Variants in DHX30 observed in about 807,000 individuals in gnomAD.
The protein encoded by DHX30 is DExH-box helicase 30.
DHX30 carries 4 observed loss-of-function variants against 116.9 expected under a neutral mutation model. The observed-to-expected ratio is 0.03, with a 90% CI of 0.02 to 0.08. The LOEUF (loss-of-function observed/expected upper bound fraction) is 0.08. Among genes scored for constraint, DHX30 ranks in the 10% least tolerant of loss-of-function variants. The pLI, the probability that DHX30 is intolerant of heterozygous loss-of-function variation, is 1.00. For missense variants in DHX30, 871 were observed against 1,595.1 expected (o/e 0.55, Z 7.73); for synonymous variants, 697 against 651.7 (o/e 1.07, Z -1.06).
chr3:47,823,620 C>T (rs935798035), intron 4 of DHX30, among the ~76,000 whole-genome samples: 10 of 152,252 alleles, frequency 6.6e-5, no homozygotes, highest in African/African-American at 2.2e-4. Flanking sequence ...CCTCAGCCTC[C>T]CAGAGTGCTG....
intron 7 of DHX30, 143 bp downstream of exon 7, chr3:47,841,321 C>T: frequency 7.6e-7 from 1 of 1,311,696 alleles, no homozygotes; most frequent in Non-Finnish European, 1.0e-6. Context: ...CAGTGTGTGT[C>T]TGCCCATTCT....
intron 4 of DHX30, among the ~76,000 whole-genome samples, chr3:47,826,549 G>T (rs759561080): frequency 6.6e-6 from 1 of 151,556 alleles, no homozygotes; most frequent in Non-Finnish European, 1.5e-5. Context: ...GGGTTCAAGC[G>T]ATTCTCCTGC....
intron 9 of DHX30, among the ~76,000 whole-genome samples, chr3:47,844,960 C>CT (rs1317531686): frequency 6.6e-6 from 1 of 152,022 alleles, no homozygotes; most frequent in Non-Finnish European, 1.5e-5. Context: ...GGGAGGAAGG[C>CT]TTTGATGAGG....
At chr3:47,832,627 C>CTTTTTTT (rs1232599849) in intron 6 of DHX30, among the ~76,000 whole-genome samples, 12 of 142,736 alleles carry the variant, frequency 8.4e-5, no homozygotes, top group African/African-American at 2.1e-4. Flanking sequence ...ACATCTAATT[C>CTTTTTTT]TTTTTTTTTT....
At chr3:47,841,553 A>G in intron 7 of DHX30, 64 bp from the exon 8 acceptor site, 1 of 1,609,376 alleles carries the variant, frequency 6.2e-7, no homozygotes, top group Admixed American at 1.7e-5. Flanking sequence ...CCTACATCGC[A>G]GAGCCTCAGG....
chr3:47,832,267 G>A (rs923165414), intron 6 of DHX30, among the ~76,000 whole-genome samples: 2 of 151,942 alleles, frequency 1.3e-5, no homozygotes, highest in Admixed American at 6.6e-5. Flanking sequence ...CATGCATTTC[G>A]TCCTCAGCCA....
intron 1 of DHX30, among the ~76,000 whole-genome samples, chr3:47,803,799 G>T (rs1455139608): frequency 6.6e-6 from 1 of 152,192 alleles, no homozygotes; most frequent in Non-Finnish European, 1.5e-5. Context: ...TGCATGTTGG[G>T]TCCTTTGTTT....
At chr3:47,830,956 G>A (rs1367061306) in intron 6 of DHX30, 2 of 152,178 alleles carry the variant, frequency 1.3e-5, no homozygotes, top group Non-Finnish European at 1.5e-5. Context: ...TATTCCCTCA[G>A]CTTCTCTTCT....
Position 47,848,464 on chromosome 3 carries a change from C to T in DHX30, c.2494-5C>T. ...GGCTCATGGCGGGCTCTGGCTCTGT[C>T]ATAGGCGGTGGAGTTCCTGTCCAAG... On this transcript the variant is annotated splice_region_variant and splice_polypyrimidine_tract_variant and intron_variant, in intron 15 of 21. Transcript: ENST00000445061. The surrounding 1 kb of genome is among the most constrained non-coding windows in gnomAD (Gnocchi z 9.4). 6.2e-7 allele frequency: 1 copy of T among 1,613,942 alleles called. No homozygotes were observed. Among genetic ancestry groups the T allele is most frequent in the African/African-American group, 1.3e-5 (1 of 74,980 alleles).
At chr3:47,806,897 A>G (rs779442662) in intron 2 of DHX30, among the ~76,000 whole-genome samples, 10 of 151,822 alleles carry the variant, frequency 6.6e-5, no homozygotes, top group Non-Finnish European at 1.0e-4. Flanking sequence ...CTGGCCCACT[A>G]CAAAGATTTT....
intron 4 of DHX30, chr3:47,819,235 G>A: frequency 7.3e-7 from 1 of 1,367,780 alleles, no homozygotes; most frequent in Non-Finnish European, 9.8e-7. Flanking sequence ...AACTCGAAAA[G>A]GCTGAACGTT....
chr3:47,831,599 T>C (rs2036851721), intron 6 of DHX30, among the ~76,000 whole-genome samples: 3 of 152,160 alleles, frequency 2.0e-5, no homozygotes, highest in Admixed American at 1.3e-4. Context: ...TCTGATCCAC[T>C]GCAAACAGCT....
intron 9 of DHX30, among the ~76,000 whole-genome samples, chr3:47,844,142 A>C (rs1252953615): frequency 6.6e-6 from 1 of 152,188 alleles, no homozygotes; most frequent in African/African-American, 2.4e-5. Context: ...CCAAGATAGA[A>C]ATGGGCCTGC....
At chr3:47,809,999 C>T (rs2035720925) in intron 2 of DHX30, among the ~76,000 whole-genome samples, 1 of 152,098 alleles carries the variant, frequency 6.6e-6, no homozygotes, top group African/African-American at 2.4e-5. Context: ...GTTAAATATA[C>T]TAATAAGCAA....
intron 3 of DHX30, chr3:47,816,421 G>A: frequency 1.0e-6 from 1 of 980,342 alleles, no homozygotes; most frequent in Non-Finnish European, 1.2e-6. Flanking sequence ...GCAATGGCGC[G>A]ATCTCGGCTC....
rs1313678184 is a variant in DHX30 at position 47,848,695 on chromosome 3, T to C, written c.2647T>C (p.Leu883=). The change falls in exon 17 of 22, where the codon TTG becomes CTG. Residue 883 remains leucine, a synonymous_variant. Coordinates refer to ENST00000445061, the MANE Select transcript of DHX30 (RefSeq NM_138615.3). The surrounding 1 kb of genome is among the most constrained non-coding windows in gnomAD (Gnocchi z 9.4). ...GGCTCACATCTCCACCGACCCCCGG[T>C]TGGCCAAGGCCATTGTGTTGGCTGC... is the stretch of plus-strand genomic sequence containing the variant. The part of the protein sequence containing the change: ...RLAHISTDPR[L]AKAIVLAAIF... The C allele has an allele frequency of 1.3e-5, 21 of 1,614,026 alleles. No individual in the cohort carries two copies. In the East Asian group the frequency reaches 4.2e-4, roughly 33 times the overall value.
chr3:47,803,878 G>A (rs1301189139), intron 1 of DHX30, among the ~76,000 whole-genome samples: 1 of 152,216 alleles, frequency 6.6e-6, no homozygotes, highest in Non-Finnish European at 1.5e-5. Flanking sequence ...TAGTCGTTGT[G>A]TAGCAACATT....
intron 3 of DHX30, among the ~76,000 whole-genome samples, chr3:47,811,245 T>C (rs981235916): frequency 1.3e-5 from 2 of 152,160 alleles, no homozygotes; most frequent in Non-Finnish European, 2.9e-5. Context: ...TGAGCCACCG[T>C]GGCTGGCCTC....
chr3:47,845,967 GTT>G, intron 10 of DHX30, 115 bp downstream of exon 10: 1 of 1,488,720 alleles, frequency 6.7e-7, no homozygotes, highest in Non-Finnish European at 9.0e-7. Context: ...TCTTCACTGA[GTT>G]TGGGGCCTGG....
Sources: gnomAD v4.1 joint callset for allele counts (sites outside exome capture counted in the v4.1 genomes callset) on GRCh38, gnomAD v4.1.1 for gene constraint, Gnocchi (gnomAD v3.1) non-coding constraint, MANE v1.5 for transcripts, NCBI Gene and HGNC (gene_info 2026-07-23, HGNC 2026-07-21) for gene names.